The following SORCS3 variants were observed in gnomAD, a reference collection of about 807,000 sequenced individuals.
SORCS3 encodes the protein sortilin related VPS10 domain containing receptor 3.
A neutral mutation model predicts 146.3 loss-of-function variants in SORCS3; 57 were observed. That is an observed-to-expected ratio of 0.39 (90% CI 0.31 to 0.49). The LOEUF is 0.49. Ranked by LOEUF, SORCS3 falls within the 20% of genes least tolerant of loss-of-function variation. The pLI, the probability that SORCS3 is intolerant of heterozygous loss-of-function variation, is 0.92. For missense variants in SORCS3, 1,341 were observed against 1,575.5 expected (o/e 0.85, Z 2.52); for synonymous variants, 653 against 618.5 (o/e 1.06, Z -0.83).
intron 4 of SORCS3, among the ~76,000 whole-genome samples, chr10:105,032,795 T>C (rs1053955505): frequency 1.3e-5 from 2 of 152,014 alleles, no homozygotes; most frequent in African/African-American, 4.8e-5. Context: ...AAGGACAAAT[T>C]GAACACAGTG....
chr10:105,171,869 A>C (rs1414698426), intron 13 of SORCS3, among the ~76,000 whole-genome samples: 1 of 152,160 alleles, frequency 6.6e-6, no homozygotes, highest in Non-Finnish European at 1.5e-5. Context: ...AGACACCTGA[A>C]GTAGGAAAAG....
At chr10:105,231,025 A>G (rs1350980542) in intron 20 of SORCS3, among the ~76,000 whole-genome samples, 3 of 152,142 alleles carry the variant, frequency 2.0e-5, no homozygotes, top group Non-Finnish European at 4.4e-5. Context: ...GAGGTCTCTC[A>G]CTTGCCCTTT....
intron 4 of SORCS3, among the ~76,000 whole-genome samples, chr10:105,036,133 G>A (rs937508919): frequency 6.6e-6 from 1 of 152,164 alleles, no homozygotes; most frequent in African/African-American, 2.4e-5. Flanking sequence ...ATGAGATCAT[G>A]TTTCTGTTAG....
At chr10:104,852,330 A>G (rs2018281991) in intron 2 of SORCS3, among the ~76,000 whole-genome samples, 1 of 152,124 alleles carries the variant, frequency 6.6e-6, no homozygotes, top group Admixed American at 6.5e-5. Context: ...TCATGTTGGT[A>G]AGCATGCTTT....
At chr10:105,148,734 G>C (rs1374175434) in intron 9 of SORCS3, among the ~76,000 whole-genome samples, 1 of 152,084 alleles carries the variant, frequency 6.6e-6, no homozygotes, top group African/African-American at 2.4e-5. Flanking sequence ...AGGAGTGGGA[G>C]TGGCTACATG....
intron 3 of SORCS3, among the ~76,000 whole-genome samples, chr10:104,921,921 G>T (rs1046898506): frequency 6.6e-6 from 1 of 152,108 alleles, no homozygotes; most frequent in African/African-American, 2.4e-5. Context: ...AGGAGGAGGG[G>T]AATATTACAT....
chr10:105,108,980 T>C (rs986583135), intron 7 of SORCS3, among the ~76,000 whole-genome samples: 44 of 152,228 alleles, frequency 2.9e-4, no homozygotes, highest in Non-Finnish European at 4.4e-5. Flanking sequence ...TGTTTAATTA[T>C]GATTACTTTA....
chr10:104,902,248 G>T (rs2018859106), intron 2 of SORCS3, among the ~76,000 whole-genome samples: 1 of 152,144 alleles, frequency 6.6e-6, no homozygotes, highest in Admixed American at 6.5e-5. Context: ...TTGTTAACTG[G>T]CTGAGATACA....
At chr10:104,907,710 A>G (rs754055314) in intron 2 of SORCS3, among the ~76,000 whole-genome samples, 21 of 152,348 alleles carry the variant, frequency 1.4e-4, no homozygotes, top group Non-Finnish European at 2.6e-4. Flanking sequence ...TCTTTGTGAG[A>G]CTAAACAATG....
At chr10:104,754,597 A>C (rs949992160) in intron 1 of SORCS3, among the ~76,000 whole-genome samples, 2 of 152,100 alleles carry the variant, frequency 1.3e-5, no homozygotes, top group Non-Finnish European at 2.9e-5. Flanking sequence ...ACATTGAAAG[A>C]TAGATAAGCT....
chr10:104,990,317 T>C (rs2054985957), intron 4 of SORCS3, among the ~76,000 whole-genome samples: 1 of 152,252 alleles, frequency 6.6e-6, no homozygotes, highest in African/African-American at 2.4e-5. Flanking sequence ...CACCACATAT[T>C]GACTGCGTTC....
intron 9 of SORCS3, among the ~76,000 whole-genome samples, chr10:105,154,837 C>T (rs1415615790): frequency 6.6e-6 from 1 of 152,090 alleles, no homozygotes; most frequent in Non-Finnish European, 1.5e-5. Context: ...GGGTTGCAGT[C>T]AAAAAGTGTG....
At chr10:105,257,546 A>C (rs993587633) in intron 25 of SORCS3, among the ~76,000 whole-genome samples, 21 of 152,210 alleles carry the variant, frequency 1.4e-4, no homozygotes, top group Admixed American at 3.9e-4. Flanking sequence ...CGTAAAATTG[A>C]AATCAATAAT....
chr10:104,726,493 G>A (rs558917947), intron 1 of SORCS3, among the ~76,000 whole-genome samples: 1 of 152,094 alleles, frequency 6.6e-6, no homozygotes, highest in Non-Finnish European at 1.5e-5. Flanking sequence ...GGGGAAGTCT[G>A]ACCTAAACCC....
intron 3 of SORCS3, among the ~76,000 whole-genome samples, chr10:104,959,991 C>T (rs1315329659): frequency 1.3e-5 from 2 of 152,110 alleles, no homozygotes; most frequent in African/African-American, 2.4e-5. Flanking sequence ...CTTATGTGGT[C>T]CATTGTCTCA....
chr10:105,056,405 A>C (rs1444977727), intron 5 of SORCS3, among the ~76,000 whole-genome samples: 1 of 152,196 alleles, frequency 6.6e-6, no homozygotes, highest in Non-Finnish European at 1.5e-5. Context: ...CTGTTAGGAA[A>C]AAAAAGTTTG....
At chr10:104,978,538 T>G (rs2054915444) in intron 4 of SORCS3, among the ~76,000 whole-genome samples, 2 of 152,214 alleles carry the variant, frequency 1.3e-5, no homozygotes, top group African/African-American at 4.8e-5. Flanking sequence ...GCCATTTAAT[T>G]GCAAAATTAG....
intron 3 of SORCS3, among the ~76,000 whole-genome samples, chr10:104,971,532 A>G (rs965670425): frequency 3.9e-5 from 6 of 152,206 alleles, no homozygotes; most frequent in Admixed American, 2.6e-4. Context: ...TAGGGCTGGA[A>G]TCAGGTACCA....
chr10:104,960,095 GGAATGTTCATGTGATAC>G (rs2054785256), intron 3 of SORCS3, among the ~76,000 whole-genome samples: 1 of 152,130 alleles, frequency 6.6e-6, no homozygotes, highest in Non-Finnish European at 1.5e-5. Context: ...TGAGTTCTAA[GGAATGTTCATGTGATAC>G]GATACTTACT....
Sources: allele counts gnomAD v4.1 joint callset (sites outside exome capture counted in the v4.1 genomes callset), GRCh38; gene constraint gnomAD v4.1.1; transcripts MANE v1.5; gene names NCBI Gene and HGNC (gene_info 2026-07-23, HGNC 2026-07-21).